The following CCDC73 variants were observed in gnomAD, a reference collection of about 807,000 sequenced individuals.
CCDC73 encodes the protein coiled-coil domain-containing protein 73.
In CCDC73, 95 loss-of-function variants were observed where a neutral mutation model predicts 116.5. The ratio of observed to expected loss-of-function variants is 0.82; its 90% CI spans 0.69 to 0.97. The LOEUF is 0.97. Among genes scored for constraint, CCDC73 ranks in the 50% least tolerant of loss-of-function variants. CCDC73 has a pLI of 0.00. For synonymous variants in CCDC73, 398 were observed against 401.3 expected, an observed-to-expected ratio of 0.99 and a Z score of 0.10; for missense variants, 1,066 against 1,206.8, an observed-to-expected ratio of 0.88 and a Z score of 1.73.
intron 5 of CCDC73, among the ~76,000 whole-genome samples, 161 bp downstream of exon 5, chr11:32,700,630 T>A (rs1849803686): frequency 6.6e-6 from 1 of 152,232 alleles, no homozygotes; most frequent in East Asian, 1.9e-4. Flanking sequence ...GGGTCCTTTC[T>A]AAGATTTTAA....
intron 1 of CCDC73, among the ~76,000 whole-genome samples, chr11:32,792,403 T>C (rs1386363336): frequency 1.3e-5 from 2 of 152,236 alleles, no homozygotes; most frequent in African/African-American, 4.8e-5. Flanking sequence ...TAATGTCGGC[T>C]GTAATCAGAG....
At chr11:32,641,608 A>G (rs1297927533) in intron 13 of CCDC73, among the ~76,000 whole-genome samples, 1 of 151,818 alleles carries the variant, frequency 6.6e-6, no homozygotes, top group Non-Finnish European at 1.5e-5. Flanking sequence ...TAGTACATAT[A>G]TAATTATTTT....
At chr11:32,710,290 G>A (rs181506987) in intron 3 of CCDC73, among the ~76,000 whole-genome samples, 247 of 152,186 alleles carry the variant, frequency 1.6e-3, no homozygotes, top group African/African-American at 5.7e-3. Context: ...GTCTGTATGT[G>A]CTCTTTCAGA....
chr11:32,654,820 A>G, intron 10 of CCDC73, 24 bp downstream of exon 10: 2 of 1,396,220 alleles, frequency 1.4e-6, no homozygotes, highest in Non-Finnish European at 9.7e-7. Context: ...TTAATGTTAT[A>G]AACAAATACA....
At chr11:32,641,715 G>GTATA (rs56262743) in intron 13 of CCDC73, among the ~76,000 whole-genome samples, 43,664 of 148,712 alleles carry the variant, frequency 0.29, 6,487 homozygotes, top group South Asian at 0.34. Flanking sequence ...ATATGTGTGT[G>GTATA]TATATATATA....
At chr11:32,675,667 G>T (rs892513043) in intron 8 of CCDC73, 23 bp from the exon 9 acceptor site, 8 of 1,529,906 alleles carry the variant, frequency 5.2e-6, no homozygotes, top group Middle Eastern at 1.7e-4. Flanking sequence ...AGACATTTAA[G>T]AAAGCATTAT....
intron 2 of CCDC73, among the ~76,000 whole-genome samples, chr11:32,740,267 G>C (rs990352440): frequency 6.6e-6 from 1 of 151,864 alleles, no homozygotes; most frequent in South Asian, 2.1e-4. Context: ...AGTAGAATTG[G>C]TATTAGTTCT....
intron 6 of CCDC73, among the ~76,000 whole-genome samples, chr11:32,687,197 TA>T (rs1565076076): frequency 6.6e-6 from 1 of 152,148 alleles, no homozygotes; most frequent in Non-Finnish European, 1.5e-5. Flanking sequence ...TTAGGTACAA[TA>T]AGGTATGTGA....
At chr11:32,608,720 C>T (rs1428396501) in intron 17 of CCDC73, among the ~76,000 whole-genome samples, 1 of 152,198 alleles carries the variant, frequency 6.6e-6, no homozygotes, top group Non-Finnish European at 1.5e-5. Context: ...CAGAGGTTCT[C>T]CATGAGAGTC....
rs1396244633 is a variant in CCDC73, at chr11:32,614,414, A to T, written c.1904T>A (p.Ile635Lys). ...CTGACATGGAACAGGATTTTTTTTTATATCTAGAGACGAGTCCAAATCTGC... is the reference window on the plus strand; with the variant it reads ...CTGACATGGAACAGGATTTTTTTTTTTATCTAGAGACGAGTCCAAATCTGC... ...TKADLDSSLD[I>K]KKNPVPCQKY... Residue 635 changes from isoleucine (I) to lysine (K), a missense_variant, in exon 16 of 18, where the codon ATA becomes AAA. Coordinates refer to ENST00000335185, the MANE Select transcript of CCDC73 (RefSeq NM_001008391.4). 1 of 1,613,102 alleles carries T rather than the reference A, an allele frequency of 6.2e-7. No individual in the cohort carries two copies. The highest frequency in any genetic ancestry group is 1.3e-5 in the African/African-American group (1 of 74,854).
rs748329750 is a variant in CCDC73 at position 32,648,803 on chromosome 11, G to A, written c.939+4320C>T. On this transcript the variant is annotated intron_variant, in intron 12 of 17. Coordinates refer to ENST00000335185, the MANE Select transcript of CCDC73 (RefSeq NM_001008391.4). ...TGACCTCAGGTGATCCACCCACCTC[G>A]GCCTCCCAAAGCGCTGGGACCACAG... is the stretch of plus-strand genomic sequence containing the variant. Among the ~76,000 whole-genome samples, 127 of 152,180 alleles carry A rather than the reference G, an allele frequency of 8.3e-4. 1 individual carries two copies. The highest frequency in any genetic ancestry group is 9.2e-4 in the Admixed American group (14 of 15,282).
chr11:32,634,727 C>T (rs913044824), intron 14 of CCDC73, among the ~76,000 whole-genome samples: 3 of 152,156 alleles, frequency 2.0e-5, no homozygotes, highest in African/African-American at 7.2e-5. Flanking sequence ...CTTAAACTTG[C>T]AGACAACATG....
chr11:32,694,119 CA>C (rs1856287532), intron 6 of CCDC73, among the ~76,000 whole-genome samples: 1 of 152,184 alleles, frequency 6.6e-6, no homozygotes. Context: ...AAGAGGAAGT[CA>C]AATTGTCCCT....
chr11:32,677,955 CAAAAAAAAAAAA>C (rs34907847), intron 7 of CCDC73, among the ~76,000 whole-genome samples: 3 of 64,282 alleles, frequency 4.7e-5, no homozygotes, highest in Admixed American at 2.2e-4. Context: ...GATTCCATCT[CAAAAAAAAAAAA>C]AAAAAAAAAA....
At chr11:32,829,042 GA>G in the CCDC73 span, among the ~76,000 whole-genome samples, 9 of 152,170 alleles carry the variant, frequency 5.9e-5, no homozygotes, top group African/African-American at 2.2e-4. Flanking sequence ...TGGAGGATGA[GA>G]CAGGAGGATC....
At chr11:32,823,094 C>T in the CCDC73 span, among the ~76,000 whole-genome samples, 2 of 151,876 alleles carry the variant, frequency 1.3e-5, no homozygotes, top group African/African-American at 4.8e-5. Flanking sequence ...ATGGTGAAAC[C>T]TCATCTCTAA....
At chr11:32,719,127 A>G (rs1436490545) in intron 2 of CCDC73, among the ~76,000 whole-genome samples, 1 of 152,216 alleles carries the variant, frequency 6.6e-6, no homozygotes, top group Non-Finnish European at 1.5e-5. Context: ...GGAAGGCCCA[A>G]TGCCAAGCAG....
chr11:32,743,795 A>C (rs564953571), intron 2 of CCDC73, among the ~76,000 whole-genome samples: 1 of 152,316 alleles, frequency 6.6e-6, no homozygotes, highest in African/African-American at 2.4e-5. Context: ...TATCAGCTTA[A>C]GGAGATTTGG....
At chr11:32,802,740 G>C in the CCDC73 span, among the ~76,000 whole-genome samples, 41 of 152,138 alleles carry the variant, frequency 2.7e-4, no homozygotes, top group African/African-American at 9.9e-4. Context: ...GATTATCCCT[G>C]TTTTCTGAAA....
Sources: gnomAD v4.1 joint callset for allele counts (sites outside exome capture counted in the v4.1 genomes callset) on GRCh38, gnomAD v4.1.1 for gene constraint, MANE v1.5 for transcripts, NCBI Gene and HGNC (gene_info 2026-07-23, HGNC 2026-07-21) for gene names.